CAMTA1: variants seen among roughly 807,000 people sequenced by gnomAD.
CAMTA1 encodes calmodulin binding transcription activator 1.
A neutral mutation model predicts 170.9 loss-of-function variants in CAMTA1; 27 were observed. The observed-to-expected ratio is 0.16, with a 90% CI of 0.12 to 0.22. The LOEUF (loss-of-function observed/expected upper bound fraction) is 0.22, where lower values mean the gene tolerates loss of function less well. Among genes scored for constraint, CAMTA1 ranks in the 10% least tolerant of loss-of-function variants. The pLI is 1.00. For synonymous variants in CAMTA1, 833 were observed against 891.5 expected, an observed-to-expected ratio of 0.93 and a Z score of 1.17; for missense variants, 1,619 against 2,217.2, an observed-to-expected ratio of 0.73 and a Z score of 5.42.
rs368535293 is a variant in CAMTA1, at chr1:6,938,175, C to T, written c.234+112965C>T. ...TATAGGATAAAAGGATGAAAGGAGA[C>T]GTCAACTCTGTACTTTTGTCAAGAG... On this transcript the variant is annotated intron_variant, in intron 3 of 22. Transcript: ENST00000303635. 9.2e-5 allele frequency among the ~76,000 whole-genome samples: 14 copies of T among 152,178 alleles called. 1 individual carries two copies. The South Asian group carries it at 2.1e-3, about 23-fold the overall frequency.
chr1:7,060,598 C>G (rs921592898), intron 3 of CAMTA1, among the ~76,000 whole-genome samples: 10 of 152,202 alleles, frequency 6.6e-5, no homozygotes, highest in Non-Finnish European at 1.3e-4. Context: ...GGTTGCTTTT[C>G]TGCCTGTACA....
intron 3 of CAMTA1, among the ~76,000 whole-genome samples, chr1:7,086,522 T>C (rs1457175982): frequency 6.6e-6 from 1 of 152,188 alleles, no homozygotes; most frequent in African/African-American, 2.4e-5. Context: ...CCAGACATTT[T>C]CATCACCCCA....
chr1:6,796,093 A>AG (rs1318814536), intron 1 of CAMTA1, among the ~76,000 whole-genome samples: 1 of 143,074 alleles, frequency 7.0e-6, no homozygotes, highest in Non-Finnish European at 1.5e-5. Flanking sequence ...GGAAGTTGAG[A>AG]GTGCTATGCT....
intron 3 of CAMTA1, among the ~76,000 whole-genome samples, chr1:6,899,734 G>T (rs1299875385): frequency 6.6e-6 from 1 of 152,224 alleles, no homozygotes; most frequent in Non-Finnish European, 1.5e-5. Flanking sequence ...CTGTAGATAT[G>T]ACTGAGGACT....
chr1:7,320,974 C>T (rs1382762324), intron 5 of CAMTA1, among the ~76,000 whole-genome samples: 1 of 152,130 alleles, frequency 6.6e-6, no homozygotes, highest in Non-Finnish European at 1.5e-5. Flanking sequence ...TGTGCCAAAC[C>T]ATCCTCAAAA....
chr1:7,691,204 T>C (rs1299317785), intron 11 of CAMTA1, among the ~76,000 whole-genome samples: 1 of 152,108 alleles, frequency 6.6e-6, no homozygotes, highest in Non-Finnish European at 1.5e-5. Flanking sequence ...GTTAACTCCC[T>C]GAAGAGAGAA....
In CAMTA1 at chr1:7,745,022, G is replaced by A. The variant is rs748885902; in HGVS notation, c.4370G>A (p.Arg1457Gln). 18 of 1,609,068 alleles carry A rather than the reference G, an allele frequency of 1.1e-5. No individual in the cohort carries two copies. The highest frequency in any genetic ancestry group is 1.7e-4 in the Middle Eastern group (1 of 6,048). ...TGCCTTCCCAGTGCTGCCCAGATCC[G>A]GTGAGTAAAGTTACGGAGGTCACTA... The part of the protein sequence containing the change: ...ADCLPSAAQI[R>Q]SAYNEPLTPS... Residue 1457 changes from arginine to glutamine, a missense_variant and splice_region_variant, in exon 17 of 23, where the codon CGA (arginine) becomes CAA (glutamine). Arg to Gln is a conservative substitution (Grantham distance 43). Coordinates refer to ENST00000303635, the MANE Select transcript of CAMTA1 (RefSeq NM_015215.4).
chr1:6,926,438 C>CTTTTTCTTTCTTTCTT (rs1314065060), intron 3 of CAMTA1, among the ~76,000 whole-genome samples: 1 of 126,088 alleles, frequency 7.9e-6, no homozygotes, highest in Admixed American at 8.6e-5. Context: ...TCTTTCTTTT[C>CTTTTTCTTTCTTTCTT]TCTTTCTTTC....
chr1:7,578,661 G>A (rs2095226530), intron 6 of CAMTA1, among the ~76,000 whole-genome samples: 1 of 152,194 alleles, frequency 6.6e-6, no homozygotes. Context: ...AACTTACAAT[G>A]AGCAGAAATG....
At chr1:7,716,566 A>G (rs1265061875) in intron 11 of CAMTA1, among the ~76,000 whole-genome samples, 5 of 152,342 alleles carry the variant, frequency 3.3e-5, no homozygotes, top group Middle Eastern at 3.4e-3. Context: ...TCTCTCATGT[A>G]GAATCCAGTA....
chr1:6,904,927 C>T (rs1274264286), intron 3 of CAMTA1, among the ~76,000 whole-genome samples: 3 of 151,768 alleles, frequency 2.0e-5, no homozygotes, highest in Admixed American at 6.6e-5. Context: ...CTGAACACTC[C>T]GACTCGCTGT....
intron 5 of CAMTA1, among the ~76,000 whole-genome samples, chr1:7,277,842 T>C (rs1368689896): frequency 2.0e-5 from 3 of 152,132 alleles, no homozygotes; most frequent in African/African-American, 7.2e-5. Context: ...CTTGACTCCA[T>C]GTTAAGTGAT....
intron 5 of CAMTA1, among the ~76,000 whole-genome samples, chr1:7,440,061 G>C (rs937311807): frequency 6.6e-6 from 1 of 152,248 alleles, no homozygotes; most frequent in Non-Finnish European, 1.5e-5. Context: ...ACCCGCACTG[G>C]GCATCCCATG....
chr1:6,956,019 C>T (rs186685777), intron 3 of CAMTA1, among the ~76,000 whole-genome samples: 32 of 152,268 alleles, frequency 2.1e-4, no homozygotes, highest in South Asian at 1.2e-3. Flanking sequence ...ATCTTCCGCT[C>T]GAGCAGGTGC....
At chr1:6,946,805 G>A (rs897588405) in intron 3 of CAMTA1, among the ~76,000 whole-genome samples, 9 of 150,906 alleles carry the variant, frequency 6.0e-5, no homozygotes, top group African/African-American at 2.2e-4. Flanking sequence ...AAGCACAAAA[G>A]TTTTACATTT....
chr1:7,473,889 T>G (rs2093375711), intron 6 of CAMTA1, among the ~76,000 whole-genome samples: 1 of 152,262 alleles, frequency 6.6e-6, no homozygotes, highest in Admixed American at 6.5e-5. Context: ...CGACTGCCTC[T>G]GGCTCCCCAG....
intron 3 of CAMTA1, among the ~76,000 whole-genome samples, chr1:7,079,363 A>G (rs1233431812): frequency 6.6e-6 from 1 of 152,364 alleles, no homozygotes; most frequent in East Asian, 1.9e-4. Context: ...GACAAAAGCT[A>G]TAAACTCACT....
intron 4 of CAMTA1, among the ~76,000 whole-genome samples, chr1:7,200,366 A>G (rs1196780780): frequency 3.9e-5 from 6 of 152,260 alleles, no homozygotes; most frequent in Middle Eastern, 3.2e-3. Flanking sequence ...ATTAACATCA[A>G]TGTGATACTA....
Position 7,609,830 on chromosome 1 carries a change from G to A in CAMTA1, c.511-30570G>A, listed in dbSNP as rs1253500271. 6.6e-6 allele frequency among the ~76,000 whole-genome samples: 1 copy of A among 152,206 alleles called. No homozygotes were observed. Among genetic ancestry groups the A allele is most frequent in the Non-Finnish European group, 1.5e-5 (1 of 68,032 alleles). On this transcript the variant is annotated intron_variant, in intron 6 of 22. Transcript: ENST00000303635. This position sits in a 1 kb window ranked among gnomAD's most constrained non-coding sequence, Gnocchi z 4.4. ...TGAACACGTGTGAGTGCCAGGAACT[G>A]AGGTTCCTGGCATCCGGGTAGAGTC...
Sources: allele counts gnomAD v4.1 joint callset (sites outside exome capture counted in the v4.1 genomes callset), GRCh38; gene constraint gnomAD v4.1.1; non-coding constraint Gnocchi (gnomAD v3.1); transcripts MANE v1.5; gene names NCBI Gene and HGNC (gene_info 2026-07-23, HGNC 2026-07-21).